The following ANKHD1 variants were observed in gnomAD, a reference collection of about 807,000 sequenced individuals.
ANKHD1 encodes the protein ankyrin repeat and KH domain-containing protein 1.
A neutral mutation model predicts 230.5 loss-of-function variants in ANKHD1; 31 were observed. That is an observed-to-expected ratio of 0.13 (90% CI 0.10 to 0.18). The LOEUF (loss-of-function observed/expected upper bound fraction) is 0.18, where lower values mean the gene tolerates loss of function less well. Ranked by LOEUF, ANKHD1 falls within the 10% of genes least tolerant of loss-of-function variation. The pLI is 1.00. For synonymous variants in ANKHD1, 1,074 were observed against 1,117.6 expected, an observed-to-expected ratio of 0.96 and a Z score of 0.78; for missense variants, 2,256 against 3,071.3, an observed-to-expected ratio of 0.73 and a Z score of 6.27.
At chr5:140,427,321 G>C in intron 1 of ANKHD1, among the ~76,000 whole-genome samples, 1 of 143,328 alleles carries the variant, frequency 7.0e-6, no homozygotes, top group African/African-American at 2.6e-5. Flanking sequence ...CCGGGTGGGG[G>C]GCCGACCCCC....
At chr5:140,402,561 G>A (rs1159925656) in intron 1 of ANKHD1, among the ~76,000 whole-genome samples, 1 of 152,178 alleles carries the variant, frequency 6.6e-6, no homozygotes, top group African/African-American at 2.4e-5. Flanking sequence ...CGCCCACCCT[G>A]CTTTGGAGTT....
intron 14 of ANKHD1, among the ~76,000 whole-genome samples, chr5:140,493,874 A>G (rs2127032362): frequency 6.6e-6 from 1 of 152,322 alleles, no homozygotes; most frequent in South Asian, 2.1e-4. Flanking sequence ...TGTCCTCAAA[A>G]TTCTACTCTT....
chr5:140,467,604 T>C (rs1776182100), intron 10 of ANKHD1, among the ~76,000 whole-genome samples: 3 of 152,150 alleles, frequency 2.0e-5, no homozygotes, highest in Non-Finnish European at 4.4e-5. Flanking sequence ...AATAATTTTT[T>C]AGGAGAAAAA....
intron 1 of ANKHD1, among the ~76,000 whole-genome samples, chr5:140,419,796 TTCTTTCTTTC>T (rs1402487306): frequency 7.5e-5 from 5 of 66,400 alleles, no homozygotes; most frequent in African/African-American, 1.2e-4. Flanking sequence ...CTTTCTTTCT[TTCTTTCTTTC>T]TTTCTTTCTT....
intron 14 of ANKHD1, among the ~76,000 whole-genome samples, chr5:140,492,552 G>T (rs1751854804): frequency 6.6e-6 from 1 of 152,140 alleles, no homozygotes; most frequent in Non-Finnish European, 1.5e-5. Flanking sequence ...AATTCCAGTG[G>T]ATAATAAACA....
At chr5:140,504,384 A>G (rs1752456493) in intron 15 of ANKHD1, among the ~76,000 whole-genome samples, 1 of 152,136 alleles carries the variant, frequency 6.6e-6, no homozygotes, top group Admixed American at 6.5e-5. Context: ...GGATATTTTT[A>G]TCTAATTGAC....
At chr5:140,535,691 A>G (rs1157448852) in intron 30 of ANKHD1, 153 bp downstream of exon 30, 1 of 1,109,054 alleles carries the variant, frequency 9.0e-7, no homozygotes, top group East Asian at 3.1e-5. Flanking sequence ...ATTGTCAGTC[A>G]TTTTTAGCAT....
At chr5:140,538,004 T>C in intron 31 of ANKHD1, 82 bp from the exon 32 acceptor site, 2 of 1,506,724 alleles carry the variant, frequency 1.3e-6, no homozygotes, top group Non-Finnish European at 1.8e-6. Context: ...TAACATTTGG[T>C]CATGTTTGGT....
intron 1 of ANKHD1, among the ~76,000 whole-genome samples, chr5:140,404,534 G>A (rs2126831470): frequency 2.0e-5 from 3 of 152,040 alleles, no homozygotes; most frequent in Admixed American, 2.0e-4. Flanking sequence ...CCAGGTTCAA[G>A]CTATTTTCCT....
At chr5:140,522,089 G>A (rs1195210631) in intron 24 of ANKHD1, among the ~76,000 whole-genome samples, 3 of 152,136 alleles carry the variant, frequency 2.0e-5, no homozygotes, top group African/African-American at 7.2e-5. Flanking sequence ...AAGAAACCCT[G>A]CACTCCATAG....
chr5:140,498,738 C>T (rs576528760), intron 15 of ANKHD1, among the ~76,000 whole-genome samples: 1 of 152,144 alleles, frequency 6.6e-6, no homozygotes, highest in African/African-American at 2.4e-5. Flanking sequence ...AACTGATGAA[C>T]TGGGAATAAC....
In ANKHD1 at chr5:140,485,398, A is replaced by ACG. The variant is rs1491346756; in HGVS notation, c.1998+151_1998+152insGC. The ACG allele has an allele frequency of 1.7e-5, 10 of 598,822 alleles. No individual in the cohort carries two copies. The highest frequency in any genetic ancestry group is 2.3e-5 in the Non-Finnish European group (10 of 439,460). The allele number at this position is 598,822 out of a possible 1,614,324, so 37.1% of individuals were successfully genotyped here. ...ATAAGGAGACCCCATCTCTATTAAA[A>ACG]CACACACACACACACACACACACAC... On this transcript the variant is annotated intron_variant, in intron 12 of 33. Coordinates refer to ENST00000360839, the MANE Select transcript of ANKHD1 (RefSeq NM_017747.3). The surrounding 1 kb of genome is among the most constrained non-coding windows in gnomAD (Gnocchi z 4.8).
intron 14 of ANKHD1, among the ~76,000 whole-genome samples, chr5:140,488,906 T>C (rs559073097): frequency 1.1e-4 from 17 of 151,724 alleles, no homozygotes; most frequent in African/African-American, 3.9e-4. Context: ...AGAAAAAAAT[T>C]AGTGCCAGGC....
chr5:140,481,411 CAT>C (rs1751269803), intron 10 of ANKHD1, among the ~76,000 whole-genome samples: 2 of 151,952 alleles, frequency 1.3e-5, no homozygotes, highest in South Asian at 4.1e-4. Context: ...ATTTAATTAA[CAT>C]GTATAACAAT....
chr5:140,472,274 C>T (rs1199699175), intron 10 of ANKHD1: 1 of 1,613,478 alleles, frequency 6.2e-7, no homozygotes, highest in African/African-American at 1.3e-5. Context: ...TTTTGGAGGG[C>T]ATAGATCCGG....
At chr5:140,438,094 A>G (rs1352083502) in intron 2 of ANKHD1, among the ~76,000 whole-genome samples, 1 of 152,214 alleles carries the variant, frequency 6.6e-6, no homozygotes, top group African/African-American at 2.4e-5. Context: ...TGAAGATACT[A>G]CTGAAAATAG....
intron 7 of ANKHD1, among the ~76,000 whole-genome samples, chr5:140,452,269 G>A (rs966477081): frequency 1.3e-5 from 2 of 152,220 alleles, no homozygotes; most frequent in African/African-American, 4.8e-5. Context: ...AGGCCTACCT[G>A]TCTCTGTAGA....
chr5:140,481,969 CTG>C lies in ANKHD1; in HGVS notation c.1783-609_1783-608del, dbSNP rs374663811. Among the ~76,000 whole-genome samples the C allele has an allele frequency of 1.7e-3, 264 of 152,124 alleles. 1 individual carries two copies. The highest frequency in any genetic ancestry group is 6.1e-3 in the African/African-American group (252 of 41,552). ...GATGTGAGGCATGCATGGTTAAAAA[CTG>C]TTTTATCATTCATTCCTCTTGCTGG... On this transcript the variant is annotated intron_variant, in intron 10 of 33. Coordinates refer to ENST00000360839, the MANE Select transcript of ANKHD1 (RefSeq NM_017747.3).
intron 1 of ANKHD1, among the ~76,000 whole-genome samples, chr5:140,435,289 G>A (rs537554392): frequency 6.6e-6 from 1 of 151,506 alleles, no homozygotes; most frequent in African/African-American, 2.4e-5. Context: ...TGTTGTTGTT[G>A]TTGTTGTTGT....
Sources: gnomAD v4.1 joint callset for allele counts (sites outside exome capture counted in the v4.1 genomes callset) on GRCh38, gnomAD v4.1.1 for gene constraint, Gnocchi (gnomAD v3.1) non-coding constraint, MANE v1.5 for transcripts, NCBI Gene and HGNC (gene_info 2026-07-23, HGNC 2026-07-21) for gene names.